Variants in SLC4A10 observed in about 807,000 individuals in gnomAD.
The protein encoded by SLC4A10 is sodium-driven chloride bicarbonate exchanger.
Under a neutral mutation model 137.7 loss-of-function variants are expected in SLC4A10, and 42 were observed. The ratio of observed to expected loss-of-function variants is 0.30; its 90% CI spans 0.24 to 0.39. SLC4A10 has a LOEUF of 0.39. Among genes scored for constraint, SLC4A10 ranks in the 10% least tolerant of loss-of-function variants. The pLI is 1.00. For missense variants in SLC4A10, 925 were observed against 1,355.0 expected (o/e 0.68, Z 4.98); for synonymous variants, 474 against 464.1 (o/e 1.02, Z -0.27).
At chr2:161,711,216 A>G (rs181367635) in intron 1 of SLC4A10, among the ~76,000 whole-genome samples, 2 of 151,958 alleles carry the variant, frequency 1.3e-5, no homozygotes, top group Admixed American at 1.3e-4. Flanking sequence ...TCAGTATGAG[A>G]CTGAAGGTGC....
chr2:161,648,807 C>T (rs1421871161), intron 1 of SLC4A10, among the ~76,000 whole-genome samples: 1 of 152,130 alleles, frequency 6.6e-6, no homozygotes, highest in Non-Finnish European at 1.5e-5. Context: ...ATTGATCTAT[C>T]TCATTGTTTG....
rs572466303 is a variant in SLC4A10, at chr2:161,737,045, G to C, written c.49-33928G>C. ...CCAGTGATTTTTTTTTTTCCATGGA[G>C]ACAGTGTCTCACCGTGTTACCCAGG... On this transcript the variant is annotated intron_variant, in intron 1 of 26. Transcript: ENST00000446997. Among the ~76,000 whole-genome samples, 4 of 151,636 alleles carry C rather than the reference G, an allele frequency of 2.6e-5. No homozygotes were observed. The East Asian group carries it at 7.8e-4, about 30-fold the overall frequency.
At chr2:161,750,806 G>A (rs1350499450) in intron 1 of SLC4A10, among the ~76,000 whole-genome samples, 1 of 151,490 alleles carries the variant, frequency 6.6e-6, no homozygotes, top group Non-Finnish European at 1.5e-5. Context: ...TTTTGAAGGT[G>A]GGGTGTTGAA....
At chr2:161,940,201 C>T (rs1278935001) in intron 15 of SLC4A10, among the ~76,000 whole-genome samples, 1 of 152,198 alleles carries the variant, frequency 6.6e-6, no homozygotes, top group Non-Finnish European at 1.5e-5. Flanking sequence ...CCCAGCTCAG[C>T]ATGACAGAAG....
At chr2:161,937,315 G>A (rs1025765896) in intron 15 of SLC4A10, among the ~76,000 whole-genome samples, 3 of 152,086 alleles carry the variant, frequency 2.0e-5, no homozygotes, top group Non-Finnish European at 4.4e-5. Flanking sequence ...ATTTTAATAT[G>A]CAATATACTT....
chr2:161,844,203 C>T (rs1333071319), intron 4 of SLC4A10, among the ~76,000 whole-genome samples: 1 of 152,066 alleles, frequency 6.6e-6, no homozygotes, highest in African/African-American at 2.4e-5. Context: ...GCTTCTGATA[C>T]ATACATACAT....
chr2:161,732,535 A>G (rs2046924902), intron 1 of SLC4A10, among the ~76,000 whole-genome samples: 1 of 152,256 alleles, frequency 6.6e-6, no homozygotes, highest in South Asian at 2.1e-4. Flanking sequence ...TTCAGTCACT[A>G]ATACTTAGAA....
intron 4 of SLC4A10, among the ~76,000 whole-genome samples, chr2:161,842,863 A>AT (rs796380115): frequency 6.6e-5 from 10 of 152,248 alleles, no homozygotes; most frequent in African/African-American, 1.9e-4. Context: ...GATTTTGATA[A>AT]GTTAAAGTTC....
intron 2 of SLC4A10, among the ~76,000 whole-genome samples, chr2:161,775,648 G>A (rs780183393): frequency 2.6e-5 from 4 of 151,790 alleles, no homozygotes; most frequent in Non-Finnish European, 5.9e-5. Context: ...GAGGTGAGGC[G>A]AGTTTCTATA....
intron 1 of SLC4A10, among the ~76,000 whole-genome samples, chr2:161,703,027 A>G (rs1361562834): frequency 6.6e-6 from 1 of 151,778 alleles, no homozygotes; most frequent in African/African-American, 2.4e-5. Flanking sequence ...ACTGTGTGAT[A>G]ACACAGTTTT....
At chr2:161,847,390 G>T (rs1413138202) in intron 4 of SLC4A10, among the ~76,000 whole-genome samples, 1 of 151,682 alleles carries the variant, frequency 6.6e-6, no homozygotes, top group African/African-American at 2.4e-5. Context: ...TATGTGCAGG[G>T]TTGTTTCATG....
chr2:161,800,142 A>G (rs1437757284), intron 2 of SLC4A10, among the ~76,000 whole-genome samples: 1 of 151,994 alleles, frequency 6.6e-6, no homozygotes, highest in East Asian at 1.9e-4. Flanking sequence ...TATTCAGTCC[A>G]CCTTTAATCC....
rs191667383 is a variant in SLC4A10, at chr2:161,929,121, T to C, written c.1998-13671T>C. Among the ~76,000 whole-genome samples, 3 of 152,344 alleles carry C rather than the reference T, an allele frequency of 2.0e-5. No individual in the cohort carries two copies. In the East Asian group the frequency reaches 5.8e-4, roughly 29 times the overall value. ...TAAACTAACTGACCATCTTAGGGAA[T>C]TCTATTTGTTAGCAACCAAAAAAAA... On this transcript the variant is annotated intron_variant, in intron 15 of 26. Transcript: ENST00000446997.
In SLC4A10 at chr2:161,723,698, G is replaced by A. The variant is rs6718485; in HGVS notation, c.49-47275G>A. Among the ~76,000 whole-genome samples the A allele has an allele frequency of 6.3e-3, 957 of 152,238 alleles. 7 individuals carry two copies. Among genetic ancestry groups the A allele is most frequent in the African/African-American group, 0.022 (907 of 41,532 alleles). On this transcript the variant is annotated intron_variant, in intron 1 of 26. Coordinates refer to ENST00000446997, the MANE Select transcript of SLC4A10 (RefSeq NM_001178015.2). Reference sequence around the variant, plus strand: ...GTGACTATGCATCAGAATCAAATACGTAGGATTTAATAACATTGAATCCCC... The same window carrying A: ...GTGACTATGCATCAGAATCAAATACATAGGATTTAATAACATTGAATCCCC...
intron 1 of SLC4A10, among the ~76,000 whole-genome samples, chr2:161,676,162 A>C (rs1250766367): frequency 6.6e-6 from 1 of 152,154 alleles, no homozygotes; most frequent in African/African-American, 2.4e-5. Flanking sequence ...CAGATGATCA[A>C]AGCAGCCCAT....
intron 1 of SLC4A10, among the ~76,000 whole-genome samples, chr2:161,719,044 C>A (rs2045300399): frequency 6.6e-6 from 1 of 152,054 alleles, no homozygotes; most frequent in Non-Finnish European, 1.5e-5. Flanking sequence ...CTAATGCTAT[C>A]CTTCCCCCCT....
intron 9 of SLC4A10, among the ~76,000 whole-genome samples, chr2:161,880,199 G>A (rs2061683106): frequency 6.6e-6 from 1 of 152,068 alleles, no homozygotes; most frequent in African/African-American, 2.4e-5. Context: ...GGTGCCCTTT[G>A]TTTGATGCTA....
chr2:161,727,795 C>A (rs1166204555), intron 1 of SLC4A10, among the ~76,000 whole-genome samples: 1 of 151,846 alleles, frequency 6.6e-6, no homozygotes, highest in Admixed American at 6.6e-5. Flanking sequence ...CATAACAGTT[C>A]CAGAAAGAGA....
At chr2:161,662,699 A>C (rs2038580411) in intron 1 of SLC4A10, among the ~76,000 whole-genome samples, 2 of 152,106 alleles carry the variant, frequency 1.3e-5, no homozygotes, top group Non-Finnish European at 2.9e-5. Flanking sequence ...ATATTTATAA[A>C]TTTACCTCTA....
Sources: allele counts gnomAD v4.1 joint callset (sites outside exome capture counted in the v4.1 genomes callset), GRCh38; gene constraint gnomAD v4.1.1; transcripts MANE v1.5; gene names NCBI Gene and HGNC (gene_info 2026-07-23, HGNC 2026-07-21).